RAD52: variants seen among roughly 807,000 people sequenced by gnomAD.
RAD52 encodes DNA repair protein RAD52 homolog.
Under a neutral mutation model 55.5 loss-of-function variants are expected in RAD52, and 47 were observed. That is an observed-to-expected ratio of 0.85 (90% CI 0.67 to 1.08). The LOEUF is 1.08. Among genes scored for constraint, RAD52 ranks in the 50% least tolerant of loss-of-function variants. The pLI is 0.00. For missense variants in RAD52, 468 were observed against 522.8 expected (o/e 0.90, Z 1.02); for synonymous variants, 184 against 198.9 (o/e 0.92, Z 0.63).
intron 1 of RAD52, among the ~76,000 whole-genome samples, chr12:965,833 T>C (rs555070525): frequency 1.3e-5 from 2 of 151,918 alleles, no homozygotes; most frequent in Non-Finnish European, 1.5e-5. Flanking sequence ...ATTACACATA[T>C]GCACCACCAC....
chr12:972,765 C>CAAAAAA (rs780150903), intron 1 of RAD52, among the ~76,000 whole-genome samples: 17 of 38,392 alleles, frequency 4.4e-4, no homozygotes, highest in Admixed American at 5.7e-4. Context: ...GACTCCGTCT[C>CAAAAAA]AAAAAAAAAA....
intron 1 of RAD52, among the ~76,000 whole-genome samples, chr12:978,698 G>C (rs1958968263): frequency 1.3e-5 from 2 of 152,042 alleles, no homozygotes. Context: ...AGCTACTCGG[G>C]AGGCTGAGGC....
chr12:961,332 AG>A (rs1958682693), intron 1 of RAD52, among the ~76,000 whole-genome samples: 3 of 142,174 alleles, frequency 2.1e-5, no homozygotes, highest in Non-Finnish European at 4.6e-5. Context: ...AAAAAAAAAA[AG>A]GGCCAGTGAG....
intron 1 of RAD52, among the ~76,000 whole-genome samples, chr12:989,209 G>A (rs1172385360): frequency 6.6e-6 from 1 of 152,126 alleles, no homozygotes; most frequent in Non-Finnish European, 1.5e-5. Flanking sequence ...TGCTCTGTCT[G>A]GTAGTTATCT....
At chr12:969,303 TA>T (rs2154121141) in intron 1 of RAD52, among the ~76,000 whole-genome samples, 1 of 152,156 alleles carries the variant, frequency 6.6e-6, no homozygotes, top group African/African-American at 2.4e-5. Flanking sequence ...AAGAATTATT[TA>T]ACATTCTCAC....
intron 1 of RAD52, among the ~76,000 whole-genome samples, chr12:957,624 A>G (rs948894356): frequency 6.6e-6 from 1 of 152,042 alleles, no homozygotes; most frequent in African/African-American, 2.4e-5. Flanking sequence ...CATCTCTGCT[A>G]AAAATACAAA....
intron 1 of RAD52, among the ~76,000 whole-genome samples, chr12:968,201 G>C (rs2154121087): frequency 6.6e-6 from 1 of 152,188 alleles, no homozygotes; most frequent in Non-Finnish European, 1.5e-5. Context: ...ATTAACCAAA[G>C]GCTTGCTTGC....
In RAD52 at chr12:961,309, C is replaced by CAAA. The variant is rs60547688; in HGVS notation, c.-18-28236_-18-28234dup. On this transcript the variant is annotated intron_variant, in intron 1 of 11. Coordinates refer to the RAD52 transcript ENST00000430095. ...TGGGTGACAGAGTGAGACTCCATCT[C>CAAA]AAAAAAAAAAAAAAAAAAAAAAAGG... is the stretch of plus-strand genomic sequence containing the variant. 1.3e-3 allele frequency among the ~76,000 whole-genome samples: 43 copies of CAAA among 33,802 alleles called. 1 individual carries two copies. Among genetic ancestry groups the CAAA allele is most frequent in the African/African-American group, 3.0e-3 (30 of 9,842 alleles). The allele number at this position is 33,802 out of a possible 152,430, so 22.2% of individuals were successfully genotyped here. A position where few individuals can be genotyped will look rare whatever the true frequency, so the allele number is the denominator to read the frequency against.
intron 1 of RAD52, among the ~76,000 whole-genome samples, chr12:973,270 C>T (rs1443024202): frequency 6.6e-6 from 1 of 151,954 alleles, no homozygotes; most frequent in Non-Finnish European, 1.5e-5. Context: ...GGGGTTTCAT[C>T]ATGTTAGCCA....
chr12:925,554 A>C (rs757281589), intron 6 of RAD52, 29 bp from the exon 7 acceptor site: 6 of 1,545,728 alleles, frequency 3.9e-6, no homozygotes, highest in Non-Finnish European at 5.4e-6. Context: ...AAGGTGAAAC[A>C]GGGTTAAGAA....
At chr12:923,764 A>T (rs962162349) in intron 7 of RAD52, among the ~76,000 whole-genome samples, 1 of 152,086 alleles carries the variant, frequency 6.6e-6, no homozygotes. Context: ...ACTACAATTT[A>T]AAAAAAGAAA....
intron 1 of RAD52, among the ~76,000 whole-genome samples, chr12:963,653 A>G (rs1958717419): frequency 6.6e-6 from 1 of 152,110 alleles, no homozygotes; most frequent in African/African-American, 2.4e-5. Flanking sequence ...TGATACTATA[A>G]ATAGAATTTT....
chr12:971,304 G>A (rs1592486687), intron 1 of RAD52, among the ~76,000 whole-genome samples: 4 of 151,616 alleles, frequency 2.6e-5, no homozygotes, highest in South Asian at 4.2e-4. Flanking sequence ...TTTTTTTAAA[G>A]ACATAGTCAT....
At chr12:974,088 T>TA (rs760925672) in intron 1 of RAD52, 1 of 152,114 alleles carries the variant, frequency 6.6e-6, no homozygotes, top group Non-Finnish European at 1.5e-5. Flanking sequence ...ACCGGACAAA[T>TA]AGAGCTGCCA....
chr12:939,052 TTGTGTGTG>T lies in RAD52; in HGVS notation c.-18-5984_-18-5977del, dbSNP rs1555176185. Among the ~76,000 whole-genome samples, 1,103 of 141,146 alleles carry T rather than the reference TTGTGTGTG, an allele frequency of 7.8e-3. 10 individuals carry two copies. The highest frequency in any genetic ancestry group is 0.025 in the African/African-American group (944 of 37,812). 92.6% of individuals were successfully genotyped at this position (141,146 alleles called of 152,430 possible). A position where few individuals can be genotyped will look rare whatever the true frequency, so the allele number is the denominator to read the frequency against. On this transcript the variant is annotated intron_variant, in intron 1 of 11. Transcript: ENST00000358495. ...ACTTACTCTCAATTCATTCAACTAA[TTGTGTGTG>T]TGTGTGTGTGTGTGTGTGTGTGTGT...
intron 1 of RAD52, among the ~76,000 whole-genome samples, chr12:985,398 C>T (rs899297219): frequency 6.6e-6 from 1 of 152,066 alleles, no homozygotes; most frequent in African/African-American, 2.4e-5. Context: ...CTGCCTTGGC[C>T]CCACCAAAGT....
intron 1 of RAD52, among the ~76,000 whole-genome samples, chr12:962,229 G>C (rs1021520644): frequency 6.6e-6 from 1 of 152,134 alleles, no homozygotes; most frequent in Non-Finnish European, 1.5e-5. Context: ...CCACCAGTAA[G>C]GAACAAGATT....
chr12:964,124 C>A (rs1459357793), intron 1 of RAD52, among the ~76,000 whole-genome samples: 1 of 152,066 alleles, frequency 6.6e-6, no homozygotes, highest in Admixed American at 6.6e-5. Context: ...TCAGACAAGG[C>A]ATTTAGGCGA....
intron 1 of RAD52, among the ~76,000 whole-genome samples, chr12:944,442 G>A (rs1159370969): frequency 6.6e-6 from 1 of 151,710 alleles, no homozygotes; most frequent in Non-Finnish European, 1.5e-5. Flanking sequence ...GAGCGGGGGC[G>A]AGGAAGGGGT....
Sources: gnomAD v4.1 joint callset for allele counts (sites outside exome capture counted in the v4.1 genomes callset) on GRCh38, gnomAD v4.1.1 for gene constraint, MANE v1.5 for transcripts, NCBI Gene and HGNC (gene_info 2026-07-23, HGNC 2026-07-21) for gene names.